Variants in PDSS2 observed in about 807,000 individuals in gnomAD.
PDSS2 encodes the protein decaprenyl diphosphate synthase subunit 2.
A neutral mutation model predicts 44.5 loss-of-function variants in PDSS2; 31 were observed. The ratio of observed to expected loss-of-function variants is 0.70; its 90% CI spans 0.52 to 0.94. PDSS2 has a LOEUF of 0.94. PDSS2 is among the 40% of genes least tolerant of loss of function. The pLI, the probability that PDSS2 is intolerant of heterozygous loss-of-function variation, is 0.00. For synonymous variants in PDSS2, 157 were observed against 180.3 expected, an observed-to-expected ratio of 0.87 and a Z score of 1.03; for missense variants, 452 against 482.2, an observed-to-expected ratio of 0.94 and a Z score of 0.59.
At chr6:107,376,127 G>C (rs932018642) in intron 1 of PDSS2, among the ~76,000 whole-genome samples, 3 of 152,142 alleles carry the variant, frequency 2.0e-5, no homozygotes, top group African/African-American at 7.2e-5. Flanking sequence ...TTATATTTCT[G>C]TTTTGGTACC....
chr6:107,256,621 T>G (rs943224333), intron 3 of PDSS2, among the ~76,000 whole-genome samples: 2 of 152,228 alleles, frequency 1.3e-5, no homozygotes, highest in East Asian at 3.8e-4. Flanking sequence ...TCCAAATAAC[T>G]CTGAAGCTCT....
chr6:107,281,516 A>C (rs1775958934), intron 2 of PDSS2, among the ~76,000 whole-genome samples: 1 of 152,220 alleles, frequency 6.6e-6, no homozygotes, highest in Non-Finnish European at 1.5e-5. Flanking sequence ...ACCTAACATT[A>C]TCTCTCAGAG....
intron 1 of PDSS2, among the ~76,000 whole-genome samples, chr6:107,338,875 A>G (rs1004414286): frequency 1.3e-5 from 2 of 151,072 alleles, no homozygotes; most frequent in African/African-American, 2.4e-5. Context: ...TAGAGGAGAT[A>G]GATCTAGTAA....
intron 1 of PDSS2, among the ~76,000 whole-genome samples, chr6:107,444,100 C>T (rs921123099): frequency 6.6e-6 from 1 of 152,174 alleles, no homozygotes; most frequent in Non-Finnish European, 1.5e-5. Context: ...ACAATCACGG[C>T]TCACTGCAGT....
At chr6:107,159,751 T>C (rs575929912) in intron 7 of PDSS2, among the ~76,000 whole-genome samples, 3 of 151,896 alleles carry the variant, frequency 2.0e-5, no homozygotes, top group African/African-American at 7.2e-5. Context: ...CTTCTCCAAA[T>C]TGATATTAGG....
At chr6:107,272,056 CA>C (rs1305747163) in intron 3 of PDSS2, among the ~76,000 whole-genome samples, 1 of 125,300 alleles carries the variant, frequency 8.0e-6, no homozygotes. Context: ...GACCCTGTCT[CA>C]AAAAAGAAAC....
chr6:107,262,545 G>A (rs1323329360), intron 3 of PDSS2, among the ~76,000 whole-genome samples: 1 of 151,962 alleles, frequency 6.6e-6, no homozygotes, highest in African/African-American at 2.4e-5. Flanking sequence ...GCTTGAGGCG[G>A]GCAGATCACG....
At chr6:107,421,424 C>T (rs1780819619) in intron 1 of PDSS2, among the ~76,000 whole-genome samples, 1 of 152,092 alleles carries the variant, frequency 6.6e-6, no homozygotes, top group African/African-American at 2.4e-5. Context: ...ACAGCCCAAA[C>T]TAGAAACAAC....
intron 1 of PDSS2, among the ~76,000 whole-genome samples, chr6:107,374,570 G>C (rs1352258136): frequency 6.6e-6 from 1 of 152,218 alleles, no homozygotes; most frequent in East Asian, 1.9e-4. Flanking sequence ...AGGAAGAAGA[G>C]GGGAGGCTAG....
rs996142571 is a variant in PDSS2 at position 107,334,248 on chromosome 6, G to A, written c.381C>T (p.Ser127=). Residue 127 remains serine (S), a synonymous_variant, in exon 2 of 8, where the codon AGC becomes AGT. Transcript: ENST00000369037. ...CATAGTTCTGACATGAAGTGTTCAC[G>A]CTGCTGGGCCCAGCTGCTTTAGAGA... The part of the protein sequence containing the change: ...LLISKAAGPS[S]VNTSCQNYDM... 3.1e-6 allele frequency: 5 copies of A among 1,613,580 alleles called. No homozygotes were observed. Among genetic ancestry groups the A allele is most frequent in the Admixed American group, 3.3e-5 (2 of 60,008 alleles).
chr6:107,281,789 A>G (rs1317450253), intron 2 of PDSS2, among the ~76,000 whole-genome samples: 1 of 152,082 alleles, frequency 6.6e-6, no homozygotes, highest in Admixed American at 6.6e-5. Flanking sequence ...TTCTTTAGCT[A>G]TCTCTCTCCC....
intron 4 of PDSS2, among the ~76,000 whole-genome samples, chr6:107,229,605 C>T (rs182351511): frequency 6.6e-6 from 1 of 152,258 alleles, no homozygotes; most frequent in East Asian, 1.9e-4. Context: ...GTCGACGTCC[C>T]CTGCCCACCT....
chr6:107,281,152 C>T (rs1226781125), intron 2 of PDSS2, among the ~76,000 whole-genome samples: 2 of 152,098 alleles, frequency 1.3e-5, no homozygotes, highest in East Asian at 3.9e-4. Flanking sequence ...CCTGGAGGCA[C>T]AGTAGAGACT....
intron 2 of PDSS2, among the ~76,000 whole-genome samples, chr6:107,290,569 C>T (rs1776310376): frequency 6.6e-6 from 1 of 152,168 alleles, no homozygotes. Flanking sequence ...TTTTCCCCCT[C>T]ATTCACTCTC....
chr6:107,222,744 G>A (rs1427922107), intron 4 of PDSS2, among the ~76,000 whole-genome samples: 1 of 151,586 alleles, frequency 6.6e-6, no homozygotes, highest in African/African-American at 2.4e-5. Flanking sequence ...CAGAAGTATA[G>A]CAATTGGATT....
At chr6:107,414,416 G>C (rs914036161) in intron 1 of PDSS2, among the ~76,000 whole-genome samples, 19 of 152,208 alleles carry the variant, frequency 1.2e-4, no homozygotes, top group Non-Finnish European at 2.2e-4. Context: ...AGAGAGCCAA[G>C]GGAGTGGCAA....
chr6:107,281,080 TG>T (rs1775947005), intron 2 of PDSS2, among the ~76,000 whole-genome samples: 1 of 152,186 alleles, frequency 6.6e-6, no homozygotes, highest in Non-Finnish European at 1.5e-5. Flanking sequence ...CAGATTCAGT[TG>T]GTGTATACCT....
rs1219084549 is a variant in PDSS2, at chr6:107,154,775, C to A, written c.1044G>T (p.Leu348Phe). The change falls in exon 8 of 8, where the codon TTG becomes TTT. Residue 348 changes from leucine (L) to phenylalanine (F), a missense_variant and splice_region_variant. By Grantham distance (22) the Leu-to-Phe change is conservative. Coordinates refer to ENST00000369037, the MANE Select transcript of PDSS2 (RefSeq NM_020381.4). ...CTTTGCCAGCTTTGATTCTTTCTCG[C>A]AACTGTTAAGAAACAAATGCATGAT... Reference protein sequence around the residue: ...QEKGRLDYAKLRERIKAGKGV... With the variant: ...QEKGRLDYAKFRERIKAGKGV... 1.2e-5 allele frequency: 20 copies of A among 1,613,894 alleles called. No homozygotes were observed. The highest frequency in any genetic ancestry group is 1.5e-5 in the Non-Finnish European group (18 of 1,179,946).
chr6:107,231,615 C>T (rs550055844), intron 4 of PDSS2, among the ~76,000 whole-genome samples: 1 of 152,310 alleles, frequency 6.6e-6, no homozygotes, highest in African/African-American at 2.4e-5. Context: ...TTATTTGCTA[C>T]TGCTTACTAT....
Sources: allele counts gnomAD v4.1 joint callset (sites outside exome capture counted in the v4.1 genomes callset), GRCh38; gene constraint gnomAD v4.1.1; transcripts MANE v1.5; gene names NCBI Gene and HGNC (gene_info 2026-07-23, HGNC 2026-07-21).